The following ESR1 variants were observed in gnomAD, a reference collection of about 807,000 sequenced individuals.
ESR1 encodes the protein estrogen receptor.
A neutral mutation model predicts 52.7 loss-of-function variants in ESR1; 12 were observed. The ratio of observed to expected loss-of-function variants is 0.23; its 90% CI spans 0.15 to 0.37. The LOEUF is 0.37. ESR1 is among the 10% of genes least tolerant of loss of function. The probability of loss-of-function intolerance (pLI) is 1.00; values close to 1 mark genes in which losing one functional copy is unlikely to be tolerated. For missense variants in ESR1, 584 were observed against 779.7 expected (o/e 0.75, Z 2.99); for synonymous variants, 305 against 316.8 (o/e 0.96, Z 0.39).
chr6:151,953,508 G>A (rs1283811945), intron 4 of ESR1, among the ~76,000 whole-genome samples: 4 of 152,098 alleles, frequency 2.6e-5, no homozygotes, highest in Non-Finnish European at 5.9e-5. Flanking sequence ...GGATCACGAG[G>A]TCAAGAGATC....
At chr6:151,807,663 G>A (rs1778097835), upstream of ESR1, 1 of 595,990 alleles carries the variant, frequency 1.7e-6, no homozygotes, top group Non-Finnish European at 3.0e-6. Context: ...ACTTAAAGTT[G>A]GAGGCCCGGG....
At chr6:152,068,394 A>C (rs2048132884) in intron 6 of ESR1, among the ~76,000 whole-genome samples, 1 of 152,202 alleles carries the variant, frequency 6.6e-6, no homozygotes, top group Non-Finnish European at 1.5e-5. Flanking sequence ...TAGATTGGTG[A>C]GTCTTAAGAC....
chr6:151,998,412 C>T lies in ESR1; in HGVS notation c.1097-13244C>T, dbSNP rs148086304. Among the ~76,000 whole-genome samples the T allele has an allele frequency of 6.3e-3, 950 of 151,830 alleles. 7 individuals carry two copies. Among genetic ancestry groups the T allele is most frequent in the Non-Finnish European group, 7.6e-3 (518 of 67,924 alleles). On this transcript the variant is annotated intron_variant, in intron 4 of 7. Coordinates refer to ENST00000206249, the MANE Select transcript of ESR1 (RefSeq NM_000125.4). ...TTTTAGCTTCTTGCAAACATTCACT[C>T]AGAATCCTTTTTGAATATCAGTTTT...
intron 1 of ESR1, chr6:151,809,153 CG>C: frequency 2.3e-6 from 1 of 442,584 alleles, no homozygotes; most frequent in Non-Finnish European, 4.8e-6. Flanking sequence ...CTGTCCCACC[CG>C]GGGAGAATGC....
intron 2 of ESR1, among the ~76,000 whole-genome samples, chr6:151,763,621 G>C (rs1308668380): frequency 6.6e-6 from 1 of 152,174 alleles, no homozygotes; most frequent in Non-Finnish European, 1.5e-5. Flanking sequence ...TCCAAGGCTG[G>C]GAAATGCAGA....
chr6:151,683,020 C>T (rs183505202), intron 1 of ESR1, among the ~76,000 whole-genome samples: 47 of 152,328 alleles, frequency 3.1e-4, no homozygotes, highest in African/African-American at 1.1e-3. Context: ...CCGGGTGAAG[C>T]ATATTTTGTA....
intron 2 of ESR1, among the ~76,000 whole-genome samples, chr6:151,858,574 C>T (rs753036198): frequency 8.0e-5 from 12 of 149,280 alleles, no homozygotes; most frequent in African/African-American, 2.0e-4. Flanking sequence ...CCTTTGGATC[C>T]GTTCCTGTTT....
At chr6:152,039,863 C>T (rs1475547719) in intron 5 of ESR1, among the ~76,000 whole-genome samples, 1 of 152,178 alleles carries the variant, frequency 6.6e-6, no homozygotes, top group Non-Finnish European at 1.5e-5. Flanking sequence ...CCAGTGAATT[C>T]CATGAGCATG....
chr6:151,811,974 GT>G (rs1485714743), intron 1 of ESR1, among the ~76,000 whole-genome samples: 1 of 152,108 alleles, frequency 6.6e-6, no homozygotes, highest in African/African-American at 2.4e-5. Flanking sequence ...CCTGGCTAAA[GT>G]TGTTATTTAC....
intron 1 of ESR1, among the ~76,000 whole-genome samples, chr6:151,701,332 C>T (rs1440892204): frequency 6.6e-6 from 1 of 151,436 alleles, no homozygotes; most frequent in Non-Finnish European, 1.5e-5. Flanking sequence ...TGGAGACCAG[C>T]CCAGCCAACA....
Position 151,807,887 on chromosome 6 carries a change from C to CTGCA in ESR1, c.-25_-22dup. 1 of 1,606,394 alleles carries CTGCA rather than the reference C, an allele frequency of 6.2e-7. No homozygotes were observed. Among genetic ancestry groups the CTGCA allele is most frequent in the Non-Finnish European group, 8.5e-7 (1 of 1,174,304 alleles). On this transcript the variant is annotated 5_prime_UTR_variant, in exon 1 of 8. In the 5' UTR this introduces an upstream ATG that the reference lacks. Transcript: ENST00000206249. The stretch of plus-strand genomic sequence containing the variant: ...GCCTTCTGCCCTGCGGGGACACGGT[C>CTGCA]TGCACCCTGCCCGCGGCCACGGACC...
At chr6:151,894,491 C>A (rs9397452) in intron 3 of ESR1, among the ~76,000 whole-genome samples, 4 of 151,946 alleles carry the variant, frequency 2.6e-5, no homozygotes, top group Non-Finnish European at 4.4e-5. Context: ...GTTTTTCTGA[C>A]GTTAACTTCT....
chr6:151,734,604 G>C (rs972677755), intron 2 of ESR1, among the ~76,000 whole-genome samples: 1 of 151,920 alleles, frequency 6.6e-6, no homozygotes, highest in Non-Finnish European at 1.5e-5. Flanking sequence ...GCTGCTCCCT[G>C]TATAAGGGCA....
intron 2 of ESR1, 66 bp downstream of exon 2, chr6:151,842,853 C>T: frequency 7.1e-7 from 1 of 1,401,094 alleles, no homozygotes; most frequent in Non-Finnish European, 1.0e-6. Context: ...GCCAAAGCGA[C>T]TGAGGAAGGA....
intron 2 of ESR1, among the ~76,000 whole-genome samples, chr6:151,726,456 C>T (rs772003411): frequency 3.4e-4 from 51 of 152,172 alleles, no homozygotes; most frequent in Non-Finnish European, 6.2e-4. Context: ...CTCAGCCTCC[C>T]GAGTAGCTGG....
chr6:152,099,200 T>TC lies in ESR1; in HGVS notation c.*239dup. On this transcript the variant is annotated 3_prime_UTR_variant, in exon 8 of 8. Transcript: ENST00000206249. ...GCTAAATCTTTGTAACAGCTCTCTT[T>TC]CCCCCTTGCTATGTTACTAAGCGTG... The TC allele has an allele frequency of 1.8e-6, 1 of 571,060 alleles. No individual in the cohort carries two copies. The highest frequency in any genetic ancestry group is 3.2e-6 in the Non-Finnish European group (1 of 314,742). 35.4% of individuals were successfully genotyped at this position (571,060 alleles called of 1,614,324 possible).
downstream of ESR1, among the ~76,000 whole-genome samples, chr6:152,103,695 A>G (rs1041717325): frequency 6.6e-6 from 1 of 152,200 alleles, no homozygotes; most frequent in African/African-American, 2.4e-5. Context: ...GTGGTTATTT[A>G]TGAATGAATG....
chr6:151,769,291 C>T (rs1417536495), intron 2 of ESR1, among the ~76,000 whole-genome samples: 1 of 152,154 alleles, frequency 6.6e-6, no homozygotes, highest in Admixed American at 6.6e-5. Flanking sequence ...ATAGCAGCTT[C>T]CAGGAATCTA....
intron 2 of ESR1, among the ~76,000 whole-genome samples, chr6:151,780,214 G>A (rs1786417521): frequency 6.6e-6 from 1 of 151,966 alleles, no homozygotes; most frequent in Non-Finnish European, 1.5e-5. Flanking sequence ...TCGGGGGGTT[G>A]GGGGTCAAGG....
Sources: gnomAD v4.1 joint callset for allele counts (sites outside exome capture counted in the v4.1 genomes callset) on GRCh38, gnomAD v4.1.1 for gene constraint, MANE v1.5 for transcripts, NCBI Gene and HGNC (gene_info 2026-07-23, HGNC 2026-07-21) for gene names.